SSBP2: variants seen among roughly 807,000 people sequenced by gnomAD.
The protein encoded by SSBP2 is single stranded DNA binding protein 2, also known as single-stranded DNA-binding protein 2.
A neutral mutation model predicts 61.8 loss-of-function variants in SSBP2; 17 were observed. That is an observed-to-expected ratio of 0.28 (90% CI 0.19 to 0.41). The LOEUF (loss-of-function observed/expected upper bound fraction) is 0.41, where lower values mean the gene tolerates loss of function less well. Among genes scored for constraint, SSBP2 ranks in the 10% least tolerant of loss-of-function variants. SSBP2 has a pLI of 1.00. For synonymous variants in SSBP2, 139 were observed against 141.3 expected (o/e 0.98, Z 0.12); for missense variants, 310 against 458.7 (o/e 0.68, Z 2.96).
chr5:81,556,025 A>G (rs575533825), intron 4 of SSBP2, among the ~76,000 whole-genome samples: 1 of 152,152 alleles, frequency 6.6e-6, no homozygotes, highest in South Asian at 2.1e-4. Flanking sequence ...CCACAGACGT[A>G]CGTCAAGAAT....
chr5:81,613,986 GTAAC>G (rs1264531664), intron 4 of SSBP2, among the ~76,000 whole-genome samples: 2 of 152,168 alleles, frequency 1.3e-5, no homozygotes, highest in Admixed American at 1.3e-4. Context: ...TGTTCAGTGT[GTAAC>G]AAGCTTTATG....
At chr5:81,702,315 G>A (rs1754046606) in intron 1 of SSBP2, among the ~76,000 whole-genome samples, 1 of 152,182 alleles carries the variant, frequency 6.6e-6, no homozygotes, top group Non-Finnish European at 1.5e-5. Flanking sequence ...AGGTTCCAGT[G>A]AGCCAAGATG....
chr5:81,476,195 A>G (rs1765579444), intron 6 of SSBP2, among the ~76,000 whole-genome samples: 1 of 152,106 alleles, frequency 6.6e-6, no homozygotes, highest in African/African-American at 2.4e-5. Context: ...TTCCCCCAAT[A>G]AGAATATTTC....
At chr5:81,587,421 G>A (rs1775139178) in intron 4 of SSBP2, among the ~76,000 whole-genome samples, 1 of 152,150 alleles carries the variant, frequency 6.6e-6, no homozygotes, top group African/African-American at 2.4e-5. Flanking sequence ...GTATCAGTGT[G>A]TACACGTGGG....
intron 6 of SSBP2, among the ~76,000 whole-genome samples, chr5:81,480,831 G>C (rs1765931083): frequency 6.6e-6 from 1 of 152,192 alleles, no homozygotes; most frequent in African/African-American, 2.4e-5. Context: ...TTCAAAATTG[G>C]AGGCAATGCT....
At chr5:81,479,452 G>A (rs567847764) in intron 6 of SSBP2, among the ~76,000 whole-genome samples, 1 of 152,052 alleles carries the variant, frequency 6.6e-6, no homozygotes, top group East Asian at 1.9e-4. Flanking sequence ...TACCTCGCCT[G>A]GCTAATTTGT....
intron 4 of SSBP2, among the ~76,000 whole-genome samples, chr5:81,591,521 T>C (rs912083117): frequency 7.9e-5 from 12 of 151,908 alleles, no homozygotes; most frequent in African/African-American, 2.7e-4. Flanking sequence ...GACTAATACA[T>C]TAAAGATTCT....
At chr5:81,706,303 T>C (rs1014273572) in intron 1 of SSBP2, among the ~76,000 whole-genome samples, 2 of 152,030 alleles carry the variant, frequency 1.3e-5, no homozygotes, top group Admixed American at 1.3e-4. Flanking sequence ...GTCATAAAGA[T>C]AGCAGCAAGA....
intron 4 of SSBP2, among the ~76,000 whole-genome samples, chr5:81,609,217 G>A (rs1472350018): frequency 6.6e-6 from 1 of 152,166 alleles, no homozygotes; most frequent in Non-Finnish European, 1.5e-5. Context: ...TCTACCATCT[G>A]TTAGCTAAGC....
intron 4 of SSBP2, among the ~76,000 whole-genome samples, chr5:81,537,639 T>C (rs1770913685): frequency 6.6e-6 from 1 of 152,196 alleles, no homozygotes; most frequent in South Asian, 2.1e-4. Context: ...TCACATTTGG[T>C]AATTCTTGTA....
intron 4 of SSBP2, among the ~76,000 whole-genome samples, chr5:81,516,343 T>C (rs1769017222): frequency 6.6e-6 from 1 of 152,104 alleles, no homozygotes; most frequent in Non-Finnish European, 1.5e-5. Flanking sequence ...AGAAGTGTCT[T>C]GAAAATAAAG....
At chr5:81,645,993 T>C (rs564584845) in intron 2 of SSBP2, among the ~76,000 whole-genome samples, 1 of 152,312 alleles carries the variant, frequency 6.6e-6, no homozygotes, top group African/African-American at 2.4e-5. Context: ...CCCACTCTTC[T>C]GACTGATAAC....
rs974308259 is a variant in SSBP2, at chr5:81,417,824, T to C, written c.*2680A>G. The C allele has an allele frequency of 2.6e-5, 4 of 152,040 alleles. No individual in the cohort carries two copies. Among genetic ancestry groups the C allele is most frequent in the African/African-American group, 9.7e-5 (4 of 41,404 alleles). 9.4% of individuals were successfully genotyped at this position (152,040 alleles called of 1,614,324 possible). On this transcript the variant is annotated 3_prime_UTR_variant, in exon 17 of 17. Coordinates refer to ENST00000320672, the MANE Select transcript of SSBP2 (RefSeq NM_012446.5). ...AGGAAATTTTTAAATCTAAAATAACTCTTTTTAATCTGGGCTCCAAGAAGA... is the reference window on the plus strand; with the variant it reads ...AGGAAATTTTTAAATCTAAAATAACCCTTTTTAATCTGGGCTCCAAGAAGA...
In SSBP2 at chr5:81,712,383, T is replaced by C. The variant is rs1221863668; in HGVS notation, c.62+38598A>G. ...TTACAAGGCCGAGGCGGGTGGATCA[T>C]GAGGTCAGGAGATCGAGACCATCCT... On this transcript the variant is annotated intron_variant, in intron 1 of 16. Coordinates refer to ENST00000320672, the MANE Select transcript of SSBP2 (RefSeq NM_012446.5). 4.7e-3 allele frequency among the ~76,000 whole-genome samples: 28 copies of C among 5,960 alleles called. 12 individuals carry two copies. Among genetic ancestry groups the C allele is most frequent in the Non-Finnish European group, 7.3e-3 (22 of 3,024 alleles). The allele number at this position is 5,960 out of a possible 152,430, so 3.9% of individuals were successfully genotyped here. A position where few individuals can be genotyped will look rare whatever the true frequency, so the allele number is the denominator to read the frequency against.
chr5:81,636,009 C>T (rs1032087328), intron 3 of SSBP2, among the ~76,000 whole-genome samples: 1 of 152,080 alleles, frequency 6.6e-6, no homozygotes, highest in African/African-American at 2.4e-5. Context: ...TGGGCATTAC[C>T]AATGTGATGG....
chr5:81,638,799 C>G (rs1367347476), intron 2 of SSBP2, among the ~76,000 whole-genome samples: 1 of 152,098 alleles, frequency 6.6e-6, no homozygotes, highest in African/African-American at 2.4e-5. Context: ...AGAGTTGGAA[C>G]TAAGCAACAA....
Position 81,710,747 on chromosome 5 carries a change from T to G in SSBP2, c.62+40234A>C, listed in dbSNP as rs377144072. Reference sequence around the variant, plus strand: ...AAGCATCACCCTTACAAGAGTGAACTGGAATAAGGCACAGATGAATTCTAA... The same window carrying G: ...AAGCATCACCCTTACAAGAGTGAACGGGAATAAGGCACAGATGAATTCTAA... On this transcript the variant is annotated intron_variant, in intron 1 of 16. Coordinates refer to ENST00000320672, the MANE Select transcript of SSBP2 (RefSeq NM_012446.5). The G allele has an allele frequency of 6.7e-6, 3 of 450,334 alleles. No homozygotes were observed. The East Asian group carries it at 2.1e-4, about 32-fold the overall frequency. 27.9% of individuals were successfully genotyped at this position (450,334 alleles called of 1,614,324 possible).
intron 15 of SSBP2, among the ~76,000 whole-genome samples, chr5:81,436,846 A>C (rs1762703535): frequency 6.6e-6 from 1 of 152,140 alleles, no homozygotes; most frequent in African/African-American, 2.4e-5. Flanking sequence ...TAGATACTCA[A>C]ACTATTGAAA....
intron 10 of SSBP2, among the ~76,000 whole-genome samples, chr5:81,450,932 T>C (rs1180757108): frequency 2.0e-5 from 3 of 152,214 alleles, no homozygotes; most frequent in Non-Finnish European, 2.9e-5. Context: ...CAAAATGTAA[T>C]CATGCTCTCC....
Sources: gnomAD v4.1 joint callset for allele counts (sites outside exome capture counted in the v4.1 genomes callset) on GRCh38, gnomAD v4.1.1 for gene constraint, MANE v1.5 for transcripts, NCBI Gene and HGNC (gene_info 2026-07-23, HGNC 2026-07-21) for gene names.